RFFL: variants seen among roughly 807,000 people sequenced by gnomAD.
The protein encoded by RFFL is E3 ubiquitin-protein ligase rififylin.
A neutral mutation model predicts 40.4 loss-of-function variants in RFFL; 16 were observed. The observed-to-expected ratio is 0.40, with a 90% CI of 0.27 to 0.60. The LOEUF (loss-of-function observed/expected upper bound fraction) is 0.60. RFFL is among the 20% of genes least tolerant of loss of function. The pLI, the probability that RFFL is intolerant of heterozygous loss-of-function variation, is 0.47. For missense variants in RFFL, 367 were observed against 451.7 expected (o/e 0.81, Z 1.70); for synonymous variants, 154 against 167.9 (o/e 0.92, Z 0.64).
Position 35,021,435 on chromosome 17 carries a change from T to A in RFFL, c.527A>T (p.Asn176Ile), listed in dbSNP as rs775685081. Residue 176 changes from asparagine (N) to isoleucine (I), a missense_variant, in exon 3 of 7, where the codon AAC becomes ATC. Transcript: ENST00000394597. Reference sequence around the variant, plus strand: ...GGCTTGTGCAGATGAAGAGGGGAGGTTGGGTGAGGTAGGTGGAACCATGCT... The same window carrying A: ...GGCTTGTGCAGATGAAGAGGGGAGGATGGGTGAGGTAGGTGGAACCATGCT... ...HSSMVPPTSP[N>I]LPSSSAQATS... 32 of 1,535,900 alleles carry A rather than the reference T, an allele frequency of 2.1e-5. No homozygotes were observed. Among genetic ancestry groups the A allele is most frequent in the Non-Finnish European group, 2.7e-5 (31 of 1,144,670 alleles).
intron 1 of RFFL, among the ~76,000 whole-genome samples, chr17:35,041,526 T>C (rs2091164934): frequency 1.3e-5 from 2 of 151,982 alleles, no homozygotes. Context: ...ATTCATGCCG[T>C]GCTACTTTTC....
intron 1 of RFFL, among the ~76,000 whole-genome samples, chr17:35,076,342 G>A (rs1159250970): frequency 6.6e-6 from 1 of 151,908 alleles, no homozygotes; most frequent in African/African-American, 2.4e-5. Context: ...TGGGCACATT[G>A]CCTATAGGGT....
At chr17:35,076,955 G>T in intron 1 of RFFL, 1 of 297,152 alleles carries the variant, frequency 3.4e-6, no homozygotes, top group Admixed American at 3.2e-5. Flanking sequence ...TTCTGTGAAA[G>T]AACACCACCT....
chr17:35,069,237 C>G, intron 1 of RFFL: 1 of 456,714 alleles, frequency 2.2e-6, no homozygotes, highest in East Asian at 6.9e-5. Flanking sequence ...TCCAATAAGT[C>G]AAACTTCCTA....
At chr17:35,067,887 A>G (rs2091328711), upstream of RFFL, among the ~76,000 whole-genome samples, 1 of 152,234 alleles carries the variant, frequency 6.6e-6, no homozygotes. Context: ...AACAGTAGTC[A>G]CACTGAGCAG....
chr17:35,058,543 C>T (rs767396969), intron 1 of RFFL, among the ~76,000 whole-genome samples: 11 of 152,096 alleles, frequency 7.2e-5, no homozygotes, highest in Non-Finnish European at 1.6e-4. Flanking sequence ...GAGGCCAAGG[C>T]GGGCAGATCA....
At chr17:35,072,280 CAA>C (rs373207024) in intron 1 of RFFL, among the ~76,000 whole-genome samples, 55 of 69,924 alleles carry the variant, frequency 7.9e-4, no homozygotes, top group Non-Finnish European at 9.1e-4. Context: ...GACACTGTCT[CAA>C]AAAAAAAAAA....
At chr17:35,058,796 C>G (rs1421550051) in intron 1 of RFFL, among the ~76,000 whole-genome samples, 1 of 151,844 alleles carries the variant, frequency 6.6e-6, no homozygotes, top group Non-Finnish European at 1.5e-5. Flanking sequence ...TAGTAATAAT[C>G]CCAATCACAT....
intron 1 of RFFL, among the ~76,000 whole-genome samples, chr17:35,038,117 G>A (rs541287361): frequency 2.0e-5 from 3 of 152,000 alleles, no homozygotes; most frequent in Admixed American, 6.5e-5. Context: ...GTGAAACCCC[G>A]TCTCTACTAA....
chr17:35,063,363 G>A (rs192642144), intron 1 of RFFL, among the ~76,000 whole-genome samples: 3 of 143,920 alleles, frequency 2.1e-5, no homozygotes, highest in Admixed American at 7.4e-5. Context: ...GCTGAGGCAG[G>A]AGAATCACTT....
chr17:35,031,355 C>A (rs1295785047), intron 1 of RFFL, among the ~76,000 whole-genome samples: 1 of 152,080 alleles, frequency 6.6e-6, no homozygotes, highest in Non-Finnish European at 1.5e-5. Context: ...GATCCGCCTG[C>A]CACGGCCTCC....
upstream of RFFL, among the ~76,000 whole-genome samples, chr17:35,066,504 T>C (rs559716716): frequency 2.0e-4 from 31 of 152,294 alleles, no homozygotes; most frequent in South Asian, 6.2e-3. Flanking sequence ...TATGTTTAGC[T>C]TTATCCAAAT....
chr17:35,036,165 G>C (rs952925375), intron 1 of RFFL, among the ~76,000 whole-genome samples: 2 of 152,140 alleles, frequency 1.3e-5, no homozygotes, highest in African/African-American at 4.8e-5. Flanking sequence ...CGCTATATAA[G>C]CTAAAATACT....
chr17:35,043,869 C>CTTTTTACATT (rs1485785063), intron 1 of RFFL, among the ~76,000 whole-genome samples: 2 of 152,124 alleles, frequency 1.3e-5, no homozygotes, highest in African/African-American at 4.8e-5. Context: ...AAGTATAATA[C>CTTTTTACATT]ATAGAAAAAC....
At chr17:35,013,095 CTA>C (rs941181544) in intron 6 of RFFL, among the ~76,000 whole-genome samples, 21 of 152,212 alleles carry the variant, frequency 1.4e-4, no homozygotes, top group African/African-American at 4.6e-4. Context: ...CTCACAAAAA[CTA>C]TAAAGTAGGA....
In RFFL at chr17:35,070,059, C is replaced by T. The variant is rs182173235; in HGVS notation, c.-9+19046G>A. Among the ~76,000 whole-genome samples the T allele has an allele frequency of 4.0e-5, 6 of 151,810 alleles. No individual in the cohort carries two copies. The East Asian group carries it at 5.8e-4, about 15-fold the overall frequency. On this transcript the variant is annotated intron_variant, in intron 1 of 6. Transcript: ENST00000315249. ...CATACACACCGAGAGAGGGAGAGCACGCGCACGTGCAAAAGAGCGAGCGAG... is the reference window on the plus strand; with the variant it reads ...CATACACACCGAGAGAGGGAGAGCATGCGCACGTGCAAAAGAGCGAGCGAG...
chr17:35,049,568 C>A (rs2091219917), intron 1 of RFFL, among the ~76,000 whole-genome samples: 1 of 152,176 alleles, frequency 6.6e-6, no homozygotes, highest in Non-Finnish European at 1.5e-5. Flanking sequence ...TGAGTGACCC[C>A]AAGCAAATTA....
At chr17:35,027,761 A>T (rs9908260) in intron 1 of RFFL, among the ~76,000 whole-genome samples, 1 of 148,832 alleles carries the variant, frequency 6.7e-6, no homozygotes, top group Non-Finnish European at 1.5e-5. Flanking sequence ...GGCCAGGTGC[A>T]GTGGTTCACT....
At chr17:35,085,355 T>C (rs1406886036) in intron 1 of RFFL, among the ~76,000 whole-genome samples, 1 of 152,202 alleles carries the variant, frequency 6.6e-6, no homozygotes, top group Non-Finnish European at 1.5e-5. Flanking sequence ...TTTCTATTAG[T>C]AGAGAGCAGG....
Sources: gnomAD v4.1 joint callset for allele counts (sites outside exome capture counted in the v4.1 genomes callset) on GRCh38, gnomAD v4.1.1 for gene constraint, MANE v1.5 for transcripts, NCBI Gene and HGNC (gene_info 2026-07-23, HGNC 2026-07-21) for gene names.